PIKFYVE: variants seen among roughly 807,000 people sequenced by gnomAD.
The protein encoded by PIKFYVE is 1-phosphatidylinositol 3-phosphate 5-kinase.
Under a neutral mutation model 257.9 loss-of-function variants are expected in PIKFYVE, and 122 were observed. The ratio of observed to expected loss-of-function variants is 0.47; its 90% CI spans 0.41 to 0.55. PIKFYVE has a LOEUF of 0.55. PIKFYVE is among the 20% of genes least tolerant of loss of function. The pLI, the probability that PIKFYVE is intolerant of heterozygous loss-of-function variation, is 0.00. For missense variants in PIKFYVE, 2,160 were observed against 2,536.6 expected, an observed-to-expected ratio of 0.85 and a Z score of 3.19; for synonymous variants, 892 against 868.9, an observed-to-expected ratio of 1.03 and a Z score of -0.47.
At chr2:208,348,203 T>A (rs1699417429) in intron 35 of PIKFYVE, among the ~76,000 whole-genome samples, 180 bp downstream of exon 35, 1 of 152,184 alleles carries the variant, frequency 6.6e-6, no homozygotes. Context: ...TCCAACTACT[T>A]TCAGATTTCA....
At chr2:208,279,795 T>C (rs1690574909) in intron 5 of PIKFYVE, among the ~76,000 whole-genome samples, 1 of 152,184 alleles carries the variant, frequency 6.6e-6, no homozygotes, top group Admixed American at 6.5e-5. Context: ...CTGTTTTTGT[T>C]ACTGTAGCCT....
chr2:208,312,993 C>G (rs1256501689), intron 13 of PIKFYVE, among the ~76,000 whole-genome samples: 2 of 152,234 alleles, frequency 1.3e-5, no homozygotes, highest in Non-Finnish European at 2.9e-5. Context: ...AAATTCATCT[C>G]CAAGCATCTG....
intron 18 of PIKFYVE, among the ~76,000 whole-genome samples, 184 bp downstream of exon 18, chr2:208,324,466 A>T (rs961667459): frequency 2.0e-5 from 3 of 152,234 alleles, no homozygotes; most frequent in African/African-American, 4.8e-5. Flanking sequence ...GGAAGAAAGT[A>T]TAATTGATTA....
chr2:208,353,298 T>C (rs1699934440), intron 39 of PIKFYVE, among the ~76,000 whole-genome samples: 1 of 152,200 alleles, frequency 6.6e-6, no homozygotes, highest in Admixed American at 6.5e-5. Flanking sequence ...TACTTAATAA[T>C]GTAATTGATT....
chr2:208,333,271 A>T, intron 23 of PIKFYVE, 44 bp from the exon 24 acceptor site: 1 of 1,555,874 alleles, frequency 6.4e-7, no homozygotes, highest in Non-Finnish European at 8.8e-7. Context: ...TGAAAAAGAG[A>T]TTCTCAATAT....
intron 15 of PIKFYVE, among the ~76,000 whole-genome samples, chr2:208,316,821 T>C (rs186059954): frequency 0.037 from 5,675 of 152,118 alleles, 332 homozygotes; most frequent in African/African-American, 0.13. Context: ...CCCTCAGAAA[T>C]AACACTGCAT....
intron 12 of PIKFYVE, among the ~76,000 whole-genome samples, chr2:208,310,893 C>A (rs1694864840): frequency 6.6e-6 from 1 of 152,134 alleles, no homozygotes; most frequent in African/African-American, 2.4e-5. Context: ...TGGGCTAATT[C>A]TGTGCTATTA....
chr2:208,310,626 AT>A (rs755543325), intron 12 of PIKFYVE, among the ~76,000 whole-genome samples: 18 of 152,186 alleles, frequency 1.2e-4, no homozygotes, highest in Non-Finnish European at 1.2e-4. Context: ...AAAACATGGG[AT>A]AGAGGAGCAA....
At chr2:208,291,891 T>C (rs1181548693) in intron 7 of PIKFYVE, among the ~76,000 whole-genome samples, 1 of 152,124 alleles carries the variant, frequency 6.6e-6, no homozygotes, top group Non-Finnish European at 1.5e-5. Flanking sequence ...GAAGCTTAGA[T>C]GATTGATTTT....
Position 208,286,329 on chromosome 2 carries a change from A to G in PIKFYVE, c.821+396A>G, listed in dbSNP as rs75978899. ...CTTCTGTGAGAAGAAGAATGCCTGT[A>G]CAATATGTATTCATATTTCCAAGTG... On this transcript the variant is annotated intron_variant, in intron 6 of 41. Transcript: ENST00000264380. 1.6e-3 allele frequency among the ~76,000 whole-genome samples: 249 copies of G among 152,354 alleles called. 12 individuals are homozygous for G. In the East Asian group the frequency reaches 0.032, roughly 19 times the overall value.
rs945319382 is a variant in PIKFYVE at position 208,352,799 on chromosome 2, A to G, written c.5844+17A>G. 7 of 1,610,894 alleles carry G rather than the reference A, an allele frequency of 4.3e-6. No homozygotes were observed. Among genetic ancestry groups the G allele is most frequent in the Non-Finnish European group, 5.1e-6 (6 of 1,178,422 alleles). ...ATGGCACAGGTAAGGGTATTGGACT[A>G]TGTGAAGCATTTAGCTACTGGAACC... On this transcript the variant is annotated intron_variant, in intron 39 of 41. Coordinates refer to ENST00000264380, the MANE Select transcript of PIKFYVE (RefSeq NM_015040.4).
chr2:208,278,673 C>G (rs1690423847), intron 5 of PIKFYVE, among the ~76,000 whole-genome samples: 1 of 152,030 alleles, frequency 6.6e-6, no homozygotes, highest in Non-Finnish European at 1.5e-5. Context: ...GTTTTCTGTT[C>G]TGTGTTAATT....
chr2:208,284,385 C>T (rs183467128), intron 5 of PIKFYVE, among the ~76,000 whole-genome samples: 343 of 151,808 alleles, frequency 2.3e-3, no homozygotes, highest in African/African-American at 7.5e-3. Context: ...CGCAGCCTCC[C>T]GAGTAGCTGG....
Position 208,350,905 on chromosome 2 carries a change from G to C in PIKFYVE, c.5569G>C (p.Ala1857Pro). The part of the protein sequence containing the change: ...RSLSHSSPWQ[A>P]RGGKSGAAFY... ...CCTCTCCCACTCATCACCCTGGCAGGCCCGGGGAGGCAAATCAGGAGCTGC... is the reference window on the plus strand; with the variant it reads ...CCTCTCCCACTCATCACCCTGGCAGCCCCGGGGAGGCAAATCAGGAGCTGC... The change falls in exon 37 of 42, where the codon GCC becomes CCC. Residue 1857 changes from alanine to proline, a missense_variant. Around this residue, in one of 12 missense-constraint regions of PIKFYVE, gnomAD observed 699 missense variants for 855.8 expected, o/e 0.82. Transcript: ENST00000264380. 1 of 1,614,142 alleles carries C rather than the reference G, an allele frequency of 6.2e-7. No homozygotes were observed. The highest frequency in any genetic ancestry group is 8.5e-7 in the Non-Finnish European group (1 of 1,180,030).
At chr2:208,282,209 G>A (rs1037538351) in intron 5 of PIKFYVE, among the ~76,000 whole-genome samples, 1 of 152,158 alleles carries the variant, frequency 6.6e-6, no homozygotes, top group South Asian at 2.1e-4. Flanking sequence ...ATTACACAAT[G>A]GACTATCAGT....
chr2:208,271,114 C>G (rs921192564), intron 1 of PIKFYVE, among the ~76,000 whole-genome samples: 4 of 152,038 alleles, frequency 2.6e-5, no homozygotes, highest in Non-Finnish European at 5.9e-5. Flanking sequence ...TAGCTTCCCC[C>G]CATAACTTTA....
chr2:208,286,639 G>A lies in PIKFYVE; in HGVS notation c.821+706G>A, dbSNP rs151234278. 2.6e-3 allele frequency among the ~76,000 whole-genome samples: 396 copies of A among 151,948 alleles called. 1 individual carries two copies. Among genetic ancestry groups the A allele is most frequent in the African/African-American group, 8.6e-3 (358 of 41,440 alleles). ...GCAGCCTCGAATCCCCTCTGCCTTA[G>A]CCTCCTGAGTAGCTGGGACAACAGG... On this transcript the variant is annotated intron_variant, in intron 6 of 41. Transcript: ENST00000264380.
rs766869081 is a variant in PIKFYVE, at chr2:208,351,468, A to G, written c.5715+13A>G. 17 of 1,582,338 alleles carry G rather than the reference A, an allele frequency of 1.1e-5. No homozygotes were observed. In the South Asian group the frequency reaches 1.5e-4, roughly 14 times the overall value. ...TGTTCAACAAAAGGTAGAAATCTAA[A>G]ACCATGGTCTGTAATCAAAGTTTGG... On this transcript the variant is annotated intron_variant, in intron 38 of 41. Coordinates refer to ENST00000264380, the MANE Select transcript of PIKFYVE (RefSeq NM_015040.4).
In PIKFYVE at chr2:208,277,814, A is replaced by G. The variant is rs948783355; in HGVS notation, c.613+106A>G. The G allele has an allele frequency of 2.5e-6, 3 of 1,212,714 alleles. No individual in the cohort carries two copies. The Admixed American group carries it at 5.3e-5, about 21-fold the overall frequency. The allele number at this position is 1,212,714 out of a possible 1,614,324, so 75.1% of individuals were successfully genotyped here. On this transcript the variant is annotated intron_variant, in intron 5 of 41. Transcript: ENST00000264380. ...AATTTTCATTTTGGGTTTTATGTGTAAGACATGGGGACACAAAGGTGAGGG... is the reference window on the plus strand; with the variant it reads ...AATTTTCATTTTGGGTTTTATGTGTGAGACATGGGGACACAAAGGTGAGGG...
Sources: gnomAD v4.1 joint callset for allele counts (sites outside exome capture counted in the v4.1 genomes callset) on GRCh38, gnomAD v4.1.1 for gene constraint, gnomAD v4.1.1 regional missense constraint, MANE v1.5 for transcripts, NCBI Gene and HGNC (gene_info 2026-07-23, HGNC 2026-07-21) for gene names.